Variants in FLT1 observed in about 807,000 individuals in gnomAD.
The protein encoded by FLT1 is fms related receptor tyrosine kinase 1, also known as vascular endothelial growth factor receptor 1.
FLT1 carries 49 observed loss-of-function variants against 156.3 expected under a neutral mutation model. That is an observed-to-expected ratio of 0.31 (90% CI 0.25 to 0.40). FLT1 has a LOEUF of 0.40. FLT1 is among the 10% of genes least tolerant of loss of function. The pLI is 1.00. For synonymous variants in FLT1, 594 were observed against 583.8 expected, an observed-to-expected ratio of 1.02 and a Z score of -0.25; for missense variants, 1,322 against 1,637.2, an observed-to-expected ratio of 0.81 and a Z score of 3.32.
At chr13:28,311,452 ATCTTTCTTTCTTTCTTTCTC>A (rs1870995652) in intron 27 of FLT1, 118 bp downstream of exon 27, 1 of 804,526 alleles carries the variant, frequency 1.2e-6, no homozygotes, top group Admixed American at 2.7e-5. Context: ...GATCAACATA[ATCTTTCTTTCTTTCTTTCTC>A]TCTTTCTTTC....
At chr13:28,323,471 G>C (rs1160884399) in intron 20 of FLT1, among the ~76,000 whole-genome samples, 3 of 151,998 alleles carry the variant, frequency 2.0e-5, no homozygotes, top group African/African-American at 2.4e-5. Flanking sequence ...GACCAATATG[G>C]AGAAACCCCG....
chr13:28,409,465 G>A (rs534885694), intron 10 of FLT1, among the ~76,000 whole-genome samples: 1 of 151,920 alleles, frequency 6.6e-6, no homozygotes, highest in East Asian at 1.9e-4. Flanking sequence ...CTTCCGAGTA[G>A]CTGGGACTAC....
chr13:28,400,872 C>T (rs1054722133), intron 11 of FLT1, among the ~76,000 whole-genome samples: 1 of 152,056 alleles, frequency 6.6e-6, no homozygotes, highest in Non-Finnish European at 1.5e-5. Context: ...TCATTTTCCA[C>T]AATTGAAAAT....
At chr13:28,311,817 C>A in intron 26 of FLT1, 85 bp from the exon 27 acceptor site, 1 of 1,447,634 alleles carries the variant, frequency 6.9e-7, no homozygotes, top group South Asian at 1.1e-5. Context: ...TTGACTATGT[C>A]ATTTGCACAA....
chr13:28,451,826 C>T (rs191954916), intron 3 of FLT1, among the ~76,000 whole-genome samples: 63 of 152,300 alleles, frequency 4.1e-4, no homozygotes, highest in African/African-American at 1.4e-3. Flanking sequence ...GAAATGTTCA[C>T]ACTGGGCGTA....
rs570531620 is a variant in FLT1, at chr13:28,439,214, C to T, written c.389-869G>A. 1.3e-5 allele frequency among the ~76,000 whole-genome samples: 2 copies of T among 152,262 alleles called. No homozygotes were observed. The highest frequency in any genetic ancestry group is 2.1e-4 in the South Asian group (1 of 4,812). On this transcript the variant is annotated intron_variant, in intron 3 of 29. Coordinates refer to ENST00000282397, the MANE Select transcript of FLT1 (RefSeq NM_002019.4). This position sits in a 1 kb window ranked among gnomAD's most constrained non-coding sequence, Gnocchi z 4.1. ...TCTCAGTCTACCCTGCCCTTGCCCT[C>T]GGGAATCTATTGACATCCTCAGGCA... is the stretch of plus-strand genomic sequence containing the variant.
chr13:28,391,646 CAT>C (rs1277132937), intron 12 of FLT1, among the ~76,000 whole-genome samples: 1 of 152,224 alleles, frequency 6.6e-6, no homozygotes, highest in Non-Finnish European at 1.5e-5. Flanking sequence ...GTGTCACAGA[CAT>C]GTGTCCTTAA....
intron 3 of FLT1, among the ~76,000 whole-genome samples, chr13:28,447,806 A>C (rs187131410): frequency 5.2e-4 from 79 of 150,752 alleles, no homozygotes; most frequent in Admixed American, 1.9e-3. Flanking sequence ...AGAATACATA[A>C]AAATCTAGAT....
intron 7 of FLT1, 56 bp from the exon 8 acceptor site, chr13:28,430,223 C>G: frequency 1.6e-6 from 2 of 1,235,488 alleles, no homozygotes; most frequent in East Asian, 4.7e-5. Flanking sequence ...ATAAACAAAA[C>G]CTTAGGGCCT....
At position 28,390,068 on chromosome 13, in the gene FLT1, A is replaced by T; in HGVS notation, c.1697T>A (p.Met566Lys). Residue 566 changes from methionine to lysine, a missense_variant, in exon 13 of 30, where the codon ATG becomes AAG. This residue lies in a region of FLT1 where 991 missense variants were observed against 1,254.8 expected (regional missense o/e 0.79). Coordinates refer to ENST00000282397, the MANE Select transcript of FLT1 (RefSeq NM_002019.4). Reference sequence around the variant, plus strand: ...TTTCAGGTCCTCTCCTTCCGTCGGCATTTTTTCCAAGTTAACATGAAACCC... The same window carrying T: ...TTTCAGGTCCTCTCCTTCCGTCGGCTTTTTTTCCAAGTTAACATGAAACCC... ...PNGFHVNLEK[M>K]PTEGEDLKLS... The T allele has an allele frequency of 6.2e-7, 1 of 1,614,162 alleles. No homozygotes were observed. The highest frequency in any genetic ancestry group is 8.5e-7 in the Non-Finnish European group (1 of 1,180,000).
chr13:28,358,067 C>A (rs1015381621), intron 14 of FLT1, among the ~76,000 whole-genome samples: 2 of 152,020 alleles, frequency 1.3e-5, no homozygotes, highest in African/African-American at 4.8e-5. Context: ...TGACTCAACG[C>A]CCTCTGTGTG....
intron 1 of FLT1, among the ~76,000 whole-genome samples, chr13:28,479,459 T>C (rs990696067): frequency 6.6e-6 from 1 of 152,204 alleles, no homozygotes; most frequent in Non-Finnish European, 1.5e-5. Flanking sequence ...TCTTAAGATA[T>C]CCTTCACGTA....
At chr13:28,352,943 C>T (rs1005124925) in intron 15 of FLT1, among the ~76,000 whole-genome samples, 7 of 152,274 alleles carry the variant, frequency 4.6e-5, no homozygotes, top group African/African-American at 1.4e-4. Flanking sequence ...CAATAGAAAG[C>T]AGTGACTGAA....
In FLT1 at chr13:28,385,768, A is replaced by G. The variant is rs1209189134; in HGVS notation, c.1970-737T>C. 4 of 1,011,818 alleles carry G rather than the reference A, an allele frequency of 4.0e-6. No homozygotes were observed. The African/African-American group carries it at 6.8e-5, about 17-fold the overall frequency. The allele number at this position is 1,011,818 out of a possible 1,614,324, so 62.7% of individuals were successfully genotyped here. A position where few individuals can be genotyped will look rare whatever the true frequency, so the allele number is the denominator to read the frequency against. ...AAATGCCAACCAATATAGTACAACAAAATGAATTCAATACATTAAGATGCA... is the reference window on the plus strand; with the variant it reads ...AAATGCCAACCAATATAGTACAACAGAATGAATTCAATACATTAAGATGCA... On this transcript the variant is annotated intron_variant, in intron 13 of 29. Transcript: ENST00000282397.
chr13:28,492,712 C>T (rs930141026), intron 1 of FLT1, among the ~76,000 whole-genome samples: 8 of 152,124 alleles, frequency 5.3e-5, no homozygotes, highest in African/African-American at 1.9e-4. Context: ...CATTGCTTCC[C>T]GGATATGCAG....
chr13:28,314,467 G>A (rs1215990352), intron 25 of FLT1, among the ~76,000 whole-genome samples: 1 of 152,258 alleles, frequency 6.6e-6, no homozygotes, highest in African/African-American at 2.4e-5. Flanking sequence ...CAGTATCTGG[G>A]CCAGGAACCA....
intron 4 of FLT1, among the ~76,000 whole-genome samples, chr13:28,436,014 G>A (rs984629004): frequency 1.3e-5 from 2 of 152,236 alleles, no homozygotes; most frequent in Non-Finnish European, 2.9e-5. Context: ...AAGGATTGCT[G>A]ACAGACGTCC....
intron 28 of FLT1, chr13:28,308,408 T>TTCAATGAG (rs748438120): frequency 2.0e-4 from 54 of 267,600 alleles, no homozygotes; most frequent in Non-Finnish European, 3.8e-4. Context: ...CTGTTCAATC[T>TTCAATGAG]GTAGAACCTC....
intron 13 of FLT1, chr13:28,387,694 T>G: frequency 1.9e-6 from 2 of 1,061,078 alleles, no homozygotes; most frequent in African/African-American, 3.3e-5. Flanking sequence ...TTTAGGCTCC[T>G]TTTTTCTCCT....
Sources: allele counts gnomAD v4.1 joint callset (sites outside exome capture counted in the v4.1 genomes callset), GRCh38; gene constraint gnomAD v4.1.1; regional missense constraint gnomAD v4.1.1; non-coding constraint Gnocchi (gnomAD v3.1); transcripts MANE v1.5; gene names NCBI Gene and HGNC (gene_info 2026-07-23, HGNC 2026-07-21).